G3BP2: variants seen among roughly 807,000 people sequenced by gnomAD.
G3BP2 encodes ras GTPase-activating protein-binding protein 2.
A neutral mutation model predicts 56.7 loss-of-function variants in G3BP2; 11 were observed. The ratio of observed to expected loss-of-function variants is 0.19; its 90% CI spans 0.12 to 0.32. The LOEUF (loss-of-function observed/expected upper bound fraction) is 0.32, where lower values mean the gene tolerates loss of function less well. G3BP2 is among the 10% of genes least tolerant of loss of function. The probability of loss-of-function intolerance (pLI) is 1.00; values close to 1 mark genes in which losing one functional copy is unlikely to be tolerated. For synonymous variants in G3BP2, 165 were observed against 191.6 expected, an observed-to-expected ratio of 0.86 and a Z score of 1.15; for missense variants, 340 against 610.9, an observed-to-expected ratio of 0.56 and a Z score of 4.67.
chr4:75,673,183 C>G (rs1278484175), intron 1 of G3BP2, 25 bp downstream of exon 1: 3 of 1,190,304 alleles, frequency 2.5e-6, no homozygotes, highest in Non-Finnish European at 3.1e-6. Flanking sequence ...CCACACCGAC[C>G]TCCCCTCCCG....
chr4:75,665,800 C>A (rs1202878046), intron 1 of G3BP2, among the ~76,000 whole-genome samples: 1 of 151,960 alleles, frequency 6.6e-6, no homozygotes, highest in African/African-American at 2.4e-5. Context: ...ATTTTAACAC[C>A]ATAAAAACTG....
intron 8 of G3BP2, 109 bp from the exon 9 acceptor site, chr4:75,648,850 A>C: frequency 1.6e-6 from 1 of 634,184 alleles, no homozygotes. Flanking sequence ...TTTTAAGTTT[A>C]GAATGTTTTT....
intron 3 of G3BP2, among the ~76,000 whole-genome samples, chr4:75,718,878 G>GA (rs555079037): frequency 6.0e-5 from 9 of 149,244 alleles, no homozygotes; most frequent in East Asian, 1.9e-4. Flanking sequence ...TGGAGCTAGA[G>GA]AAAAAAAAAC....
At chr4:75,721,094 C>T (rs537053262) in intron 2 of G3BP2, among the ~76,000 whole-genome samples, 76 of 152,000 alleles carry the variant, frequency 5.0e-4, no homozygotes, top group African/African-American at 1.8e-3. Flanking sequence ...GTATGTGCCA[C>T]CACGCCGAGC....
intron 1 of G3BP2, among the ~76,000 whole-genome samples, chr4:75,723,328 G>A (rs1720255573): frequency 6.6e-6 from 1 of 152,198 alleles, no homozygotes; most frequent in Non-Finnish European, 1.5e-5. Flanking sequence ...ATGAACAGAT[G>A]TTTTGTTGTT....
chr4:75,696,302 T>G (rs1046104401), intron 3 of G3BP2, among the ~76,000 whole-genome samples: 4 of 152,284 alleles, frequency 2.6e-5, no homozygotes, highest in Non-Finnish European at 4.4e-5. Flanking sequence ...AGTTGCTAGG[T>G]TATGACAAGT....
chr4:75,688,181 A>G (rs1251971511), intron 3 of G3BP2, among the ~76,000 whole-genome samples: 1 of 150,020 alleles, frequency 6.7e-6, no homozygotes, highest in Non-Finnish European at 1.5e-5. Context: ...TTTTTTTTTT[A>G]ATAGAGAACA....
chr4:75,685,188 TA>T (rs111636779), intron 3 of G3BP2, among the ~76,000 whole-genome samples: 23,530 of 144,934 alleles, frequency 0.16, 1,898 homozygotes, highest in South Asian at 0.35. Flanking sequence ...AAAAGTTTAT[TA>T]AAAAAAAAAA....
chr4:75,677,137 T>C (rs1156346248), upstream of G3BP2, among the ~76,000 whole-genome samples: 1 of 152,194 alleles, frequency 6.6e-6, no homozygotes, highest in Non-Finnish European at 1.5e-5. Flanking sequence ...CTTAGATAAG[T>C]ATTTGAATAA....
At chr4:75,653,203 AT>A (rs1390124607) in intron 8 of G3BP2, among the ~76,000 whole-genome samples, 1 of 152,162 alleles carries the variant, frequency 6.6e-6, no homozygotes, top group Non-Finnish European at 1.5e-5. Context: ...AAACCTCAAA[AT>A]TTCACTGCTT....
intron 1 of G3BP2, among the ~76,000 whole-genome samples, chr4:75,723,531 G>T (rs1720265171): frequency 6.6e-6 from 1 of 152,180 alleles, no homozygotes; most frequent in Admixed American, 6.5e-5. Flanking sequence ...GAAATGATAG[G>T]ACATGACTAT....
chr4:75,692,980 C>T (rs1718929943), intron 3 of G3BP2, among the ~76,000 whole-genome samples: 1 of 152,216 alleles, frequency 6.6e-6, no homozygotes, highest in African/African-American at 2.4e-5. Flanking sequence ...GGCGCGGTGG[C>T]TCACTCCTGT....
rs181850906 is a variant in G3BP2 at position 75,643,651 on chromosome 4, C to T, written c.*1779G>A. ...CAGTACATGAAAAACAAAATACATG[C>T]ATCATTTGCTAGTTTACTAAATAGC... On this transcript the variant is annotated 3_prime_UTR_variant, in exon 12 of 12. Transcript: ENST00000359707. 6.6e-5 allele frequency: 10 copies of T among 152,640 alleles called. No homozygotes were observed. The East Asian group carries it at 1.9e-3, about 29-fold the overall frequency. 9.5% of individuals were successfully genotyped at this position (152,640 alleles called of 1,614,324 possible).
intron 1 of G3BP2, among the ~76,000 whole-genome samples, chr4:75,668,015 A>C (rs1733192266): frequency 1.3e-5 from 2 of 152,194 alleles, no homozygotes; most frequent in Non-Finnish European, 2.9e-5. Context: ...CTGTTTCTTA[A>C]AATGTTTCCT....
At chr4:75,703,806 T>C (rs1719437014) in intron 3 of G3BP2, among the ~76,000 whole-genome samples, 1 of 152,170 alleles carries the variant, frequency 6.6e-6, no homozygotes, top group African/African-American at 2.4e-5. Context: ...CCTTCCTTCT[T>C]TGGCTATCTA....
chr4:75,659,919 C>T (rs1396054200), intron 2 of G3BP2, among the ~76,000 whole-genome samples: 1 of 152,172 alleles, frequency 6.6e-6, no homozygotes, highest in Non-Finnish European at 1.5e-5. Context: ...TGTGTATACA[C>T]ATGAAAAGCC....
At chr4:75,712,129 A>G (rs1719782605) in intron 3 of G3BP2, among the ~76,000 whole-genome samples, 1 of 152,188 alleles carries the variant, frequency 6.6e-6, no homozygotes, top group African/African-American at 2.4e-5. Flanking sequence ...CATTGTATAC[A>G]TGTATTGAAA....
intron 3 of G3BP2, among the ~76,000 whole-genome samples, chr4:75,720,130 G>A (rs1252064501): frequency 6.8e-6 from 1 of 146,328 alleles, no homozygotes; most frequent in African/African-American, 2.5e-5. Flanking sequence ...AGCCTCCTGC[G>A]CATAGCTGGA....
At chr4:75,664,366 CAGG>C (rs976080745) in intron 1 of G3BP2, among the ~76,000 whole-genome samples, 1 of 151,892 alleles carries the variant, frequency 6.6e-6, no homozygotes, top group Non-Finnish European at 1.5e-5. Context: ...CGCCTGAGGT[CAGG>C]AGTTCGAGAC....
Sources: allele counts gnomAD v4.1 joint callset (sites outside exome capture counted in the v4.1 genomes callset), GRCh38; gene constraint gnomAD v4.1.1; transcripts MANE v1.5; gene names NCBI Gene and HGNC (gene_info 2026-07-23, HGNC 2026-07-21).